JAK3: variants seen among roughly 807,000 people sequenced by gnomAD.
The protein encoded by JAK3 is Janus kinase 3, also known as tyrosine-protein kinase JAK3.
A neutral mutation model predicts 120.8 loss-of-function variants in JAK3; 88 were observed. That is an observed-to-expected ratio of 0.73 (90% confidence interval 0.61 to 0.87). The LOEUF is 0.87. JAK3 is among the 40% of genes least tolerant of loss of function. The pLI is 0.00. For missense variants in JAK3, 1,254 were observed against 1,501.4 expected (o/e 0.84, Z 2.72); for synonymous variants, 592 against 628.6 (o/e 0.94, Z 0.87).
At position 17,841,982 on chromosome 19, in the gene JAK3, C is replaced by T. The variant is rs1456074702; in HGVS notation, c.862-220G>A. 2.0e-5 allele frequency among the ~76,000 whole-genome samples: 3 copies of T among 151,902 alleles called. No homozygotes were observed. The highest frequency in any genetic ancestry group is 3.9e-4 in the East Asian group (2 of 5,166). ...GCCAATCCCCGCCTCCTTCTCTCTG[C>T]CGGACCCCGCCCCTTGATCCCTGCC... On this transcript the variant is annotated intron_variant, in intron 6 of 23. Coordinates refer to ENST00000458235, the MANE Select transcript of JAK3 (RefSeq NM_000215.4). The surrounding 1 kb of genome is among the most constrained non-coding windows in gnomAD (Gnocchi z 4.1).
chr19:17,830,738 C>A (rs1313252324), intron 21 of JAK3, 118 bp from the exon 22 acceptor site: 10 of 780,742 alleles, frequency 1.3e-5, no homozygotes, highest in Non-Finnish European at 2.2e-5. Context: ...TCAGTCCCGT[C>A]TCCAGGGTCT....
rs371168999 is a variant in JAK3 at position 17,826,251 on chromosome 19, G to A, written c.*492C>T. The A allele has an allele frequency of 3.0e-4, 53 of 174,580 alleles. No individual in the cohort carries two copies. Among genetic ancestry groups the A allele is most frequent in the East Asian group, 1.4e-3 (13 of 9,132 alleles). 10.8% of individuals were successfully genotyped at this position (174,580 alleles called of 1,614,324 possible). A position where few individuals can be genotyped will look rare whatever the true frequency, so the allele number is the denominator to read the frequency against. On this transcript the variant is annotated 3_prime_UTR_variant, in exon 24 of 24. Transcript: ENST00000458235. ...ATAAAAAAAATTAGCCGGGTGTGGT[G>A]GTGCACACCTGTAATCCCAGCTACT...
chr19:17,835,361 G>A, intron 14 of JAK3, 146 bp from the exon 15 acceptor site: 1 of 1,115,460 alleles, frequency 9.0e-7, no homozygotes, highest in Non-Finnish European at 1.3e-6. Flanking sequence ...ATCCTGTCTT[G>A]CCCCTCTAGT....
intron 17 of JAK3, among the ~76,000 whole-genome samples, chr19:17,833,677 C>T (rs1192970742): frequency 1.3e-5 from 2 of 151,686 alleles, no homozygotes; most frequent in Non-Finnish European, 2.9e-5. Flanking sequence ...ATGGCAAAAC[C>T]CTGTCTTTAC....
At chr19:17,838,101 G>A (rs201848078) in intron 11 of JAK3, 38 bp from the exon 12 acceptor site, 4 of 1,613,912 alleles carry the variant, frequency 2.5e-6, no homozygotes, top group African/African-American at 2.7e-5. Context: ...GCCAGTGAGG[G>A]GGTTCCTGCA....
chr19:17,831,299 G>C lies in JAK3; in HGVS notation c.2907C>G (p.Gly969=). The C allele has an allele frequency of 6.2e-7, 1 of 1,612,778 alleles. No individual in the cohort carries two copies. The highest frequency in any genetic ancestry group is 8.5e-7 in the Non-Finnish European group (1 of 1,179,858). Residue 969 remains glycine, a synonymous_variant, in exon 21 of 24, where the codon GGC becomes GGG. Transcript: ENST00000458235. The surrounding 1 kb of genome is among the most constrained non-coding windows in gnomAD (Gnocchi z 5.1). ...SEAHVKIADF[G]LAKLLPLDKD... is the part of the protein sequence containing the mutation. ...TGTCAAGCGGCAGCAGCTTAGCTAGGCCGAAGTCAGCGATCTTGACGTGTG... is the reference window on the plus strand; with the variant it reads ...TGTCAAGCGGCAGCAGCTTAGCTAGCCCGAAGTCAGCGATCTTGACGTGTG...
intron 23 of JAK3, among the ~76,000 whole-genome samples, chr19:17,827,440 T>C (rs1216133278): frequency 6.7e-6 from 1 of 149,796 alleles, no homozygotes; most frequent in Non-Finnish European, 1.5e-5. Flanking sequence ...CCCTGCCTCC[T>C]GGGTTCAAGC....
chr19:17,833,215 T>G (rs979559065), intron 17 of JAK3, among the ~76,000 whole-genome samples: 2 of 152,200 alleles, frequency 1.3e-5, no homozygotes, highest in Admixed American at 6.5e-5. Context: ...TGCTATGAAA[T>G]GTGGCCACAT....
At position 17,844,320 on chromosome 19, in the gene JAK3, C is replaced by T. The variant is rs768370832; in HGVS notation, c.98G>A (p.Arg33Gln). The T allele has an allele frequency of 1.1e-5, 17 of 1,609,614 alleles. No individual in the cohort carries two copies. The highest frequency in any genetic ancestry group is 1.4e-5 in the Non-Finnish European group (17 of 1,178,846). Reference protein sequence around the residue: ...AGALHVLLPARGPGPPQRLSF... With the variant: ...AGALHVLLPAQGPGPPQRLSF... ...TAGGCGCTGGGGGGGCCCGGGGCCCCGAGCGGGCAGCAGCACATGCAGGGC... is the reference window on the plus strand; with the variant it reads ...TAGGCGCTGGGGGGGCCCGGGGCCCTGAGCGGGCAGCAGCACATGCAGGGC... Residue 33 changes from arginine (R) to glutamine (Q), a missense_variant, in exon 2 of 24, where the codon CGG (arginine) becomes CAG (glutamine). Around this residue, in one of 3 missense-constraint regions of JAK3, gnomAD observed 138 missense variants for 178.7 expected, o/e 0.77. Coordinates refer to ENST00000458235, the MANE Select transcript of JAK3 (RefSeq NM_000215.4).
rs2094201882 is a variant in JAK3 at position 17,825,173 on chromosome 19, A to ACC, written c.*1568_*1569dup. On this transcript the variant is annotated 3_prime_UTR_variant, in exon 24 of 24. Transcript: ENST00000458235. Reference sequence around the variant, plus strand: ...CCATTTTGCAGGGGACAGAACTGAGACCCAGAGAGGGAAAGGAACTTGCCC... The same window carrying ACC: ...CCATTTTGCAGGGGACAGAACTGAGACCCCCAGAGAGGGAAAGGAACTTGCCC... 1 of 229,630 alleles carries ACC rather than the reference A, an allele frequency of 4.4e-6. No individual in the cohort carries two copies. The highest frequency in any genetic ancestry group is 5.7e-5 in the Admixed American group (1 of 17,652). The allele number at this position is 229,630 out of a possible 1,614,324, so 14.2% of individuals were successfully genotyped here.
chr19:17,846,942 G>T (rs1211981131), intron 1 of JAK3, among the ~76,000 whole-genome samples: 2 of 151,752 alleles, frequency 1.3e-5, no homozygotes, highest in Non-Finnish European at 2.9e-5. Context: ...CTGTCTCCCA[G>T]GCTGGAGTGC....
intron 12 of JAK3, 136 bp from the exon 13 acceptor site, chr19:17,837,349 C>T (rs1273732337): frequency 4.2e-6 from 3 of 712,672 alleles, no homozygotes; most frequent in Admixed American, 4.0e-5. Context: ...GCCATTAGTG[C>T]ACACAGCACT....
intron 10 of JAK3, chr19:17,839,236 A>C: frequency 3.1e-6 from 2 of 646,106 alleles, no homozygotes; most frequent in East Asian, 3.1e-5. Flanking sequence ...ACCCAGAGGA[A>C]GAGCTGAGAG....
chr19:17,842,261 CT>C lies in JAK3; in HGVS notation c.861+54del. The C allele has an allele frequency of 9.4e-5, 136 of 1,443,386 alleles. No homozygotes were observed. The highest frequency in any genetic ancestry group is 1.1e-4 in the Non-Finnish European group (124 of 1,093,474). 89.4% of individuals were successfully genotyped at this position (1,443,386 alleles called of 1,614,324 possible). A position where few individuals can be genotyped will look rare whatever the true frequency, so the allele number is the denominator to read the frequency against. ...CACATCCCCTACCACTCTCCGGCCC[CT>C]CCCCGAGCCCCGCCCCCACGTTGGC... On this transcript the variant is annotated intron_variant, in intron 6 of 23. Coordinates refer to ENST00000458235, the MANE Select transcript of JAK3 (RefSeq NM_000215.4). The surrounding 1 kb of genome is among the most constrained non-coding windows in gnomAD (Gnocchi z 6.4).
chr19:17,829,713 T>C lies in JAK3; in HGVS notation c.3207+395A>G, dbSNP rs3212782. On this transcript the variant is annotated intron_variant, in intron 23 of 23. Coordinates refer to ENST00000458235, the MANE Select transcript of JAK3 (RefSeq NM_000215.4). ...AGTTGGAGGCTGCAGTGAGCTATAA[T>C]TGCACCCCAGCCTGGGCAACAGAGT... 9.2e-4 allele frequency: 317 copies of C among 346,254 alleles called. 1 individual carries two copies. Among genetic ancestry groups the C allele is most frequent in the African/African-American group, 5.6e-3 (269 of 48,406 alleles). 21.4% of individuals were successfully genotyped at this position (346,254 alleles called of 1,614,324 possible).
At chr19:17,837,848 CTG>C (rs1200355797) in intron 12 of JAK3, 82 bp downstream of exon 12, 6 of 1,590,370 alleles carry the variant, frequency 3.8e-6, no homozygotes, top group African/African-American at 1.3e-5. Context: ...GCCCAGGTCC[CTG>C]TGTGTTTTTA....
chr19:17,832,721 G>A lies in JAK3; in HGVS notation c.2491-13C>T, dbSNP rs2147678590. 1 of 1,614,206 alleles carries A rather than the reference G, an allele frequency of 6.2e-7. No homozygotes were observed. The highest frequency in any genetic ancestry group is 2.2e-5 in the East Asian group (1 of 44,892). ...TGCCAAAGTTGCCCTGGGGGATAGC[G>A]GGACTGATGTCCAGGCACCTGGATG... On this transcript the variant is annotated splice_polypyrimidine_tract_variant and intron_variant, in intron 18 of 23. Transcript: ENST00000458235. This position sits in a 1 kb window ranked among gnomAD's most constrained non-coding sequence, Gnocchi z 4.7.
chr19:17,842,268 A>AC lies in JAK3; in HGVS notation c.861+47_861+48insG. On this transcript the variant is annotated intron_variant, in intron 6 of 23. Coordinates refer to ENST00000458235, the MANE Select transcript of JAK3 (RefSeq NM_000215.4). The surrounding 1 kb of genome is among the most constrained non-coding windows in gnomAD (Gnocchi z 6.4). ...CCTACCACTCTCCGGCCCCTCCCCGAGCCCCGCCCCCACGTTGGCCCCGCC... is the reference window on the plus strand; with the variant it reads ...CCTACCACTCTCCGGCCCCTCCCCGACGCCCCGCCCCCACGTTGGCCCCGCC... The AC allele has an allele frequency of 8.4e-6, 8 of 949,212 alleles. No homozygotes were observed. The highest frequency in any genetic ancestry group is 1.2e-5 in the Non-Finnish European group (8 of 676,086). The allele number at this position is 949,212 out of a possible 1,614,324, so 58.8% of individuals were successfully genotyped here.
At position 17,843,568 on chromosome 19, in the gene JAK3, G is replaced by T; in HGVS notation, c.309-77C>A. 2 of 1,236,334 alleles carry T rather than the reference G, an allele frequency of 1.6e-6. No individual in the cohort carries two copies. Among genetic ancestry groups the T allele is most frequent in the Non-Finnish European group, 2.3e-6 (2 of 851,800 alleles). The allele number at this position is 1,236,334 out of a possible 1,614,324, so 76.6% of individuals were successfully genotyped here. A position where few individuals can be genotyped will look rare whatever the true frequency, so the allele number is the denominator to read the frequency against. On this transcript the variant is annotated intron_variant, in intron 3 of 23. Coordinates refer to ENST00000458235, the MANE Select transcript of JAK3 (RefSeq NM_000215.4). The surrounding 1 kb of genome is among the most constrained non-coding windows in gnomAD (Gnocchi z 5.4). ...GGAGTGACATTATGGTGGGGGCGAG[G>T]GACAGATTCTGCGGAGGCCTCACAG... is the stretch of plus-strand genomic sequence containing the variant.
Sources: allele counts gnomAD v4.1 joint callset (sites outside exome capture counted in the v4.1 genomes callset), GRCh38; gene constraint gnomAD v4.1.1; regional missense constraint gnomAD v4.1.1; non-coding constraint Gnocchi (gnomAD v3.1); transcripts MANE v1.5; gene names NCBI Gene and HGNC (gene_info 2026-07-23, HGNC 2026-07-21).